Variants in GALNTL6 observed in about 807,000 individuals in gnomAD.
GALNTL6 encodes polypeptide N-acetylgalactosaminyltransferase like 6.
GALNTL6 carries 46 observed loss-of-function variants against 73.7 expected under a neutral mutation model. That is an observed-to-expected ratio of 0.62 (90% CI 0.49 to 0.80). The LOEUF (loss-of-function observed/expected upper bound fraction) is 0.80, where lower values mean the gene tolerates loss of function less well. Among genes scored for constraint, GALNTL6 ranks in the 30% least tolerant of loss-of-function variants. GALNTL6 has a pLI of 0.00. For missense variants in GALNTL6, 604 were observed against 755.0 expected (o/e 0.80, Z 2.34); for synonymous variants, 259 against 263.7 (o/e 0.98, Z 0.17).
At chr4:172,884,143 G>A (rs116294822) in intron 8 of GALNTL6, among the ~76,000 whole-genome samples, 5 of 152,106 alleles carry the variant, frequency 3.3e-5, no homozygotes, top group South Asian at 2.1e-4. Context: ...CCCAACATTA[G>A]GATTACTAGA....
intron 8 of GALNTL6, among the ~76,000 whole-genome samples, chr4:172,915,469 C>A (rs558656520): frequency 6.6e-6 from 1 of 151,618 alleles, no homozygotes; most frequent in African/African-American, 2.4e-5. Flanking sequence ...GCTGGTTTTT[C>A]GAAAAGATCA....
At chr4:171,846,404 A>T (rs1735369450) in intron 2 of GALNTL6, among the ~76,000 whole-genome samples, 1 of 152,136 alleles carries the variant, frequency 6.6e-6, no homozygotes. Context: ...CCATGGCCTT[A>T]CCTACAACCA....
intron 3 of GALNTL6, among the ~76,000 whole-genome samples, chr4:172,265,178 G>A (rs1738409202): frequency 6.6e-6 from 1 of 151,988 alleles, no homozygotes; most frequent in African/African-American, 2.4e-5. Flanking sequence ...GGTAATCTAA[G>A]CTGGATTTCA....
At chr4:171,949,844 T>C (rs1047313782) in intron 2 of GALNTL6, among the ~76,000 whole-genome samples, 1 of 152,130 alleles carries the variant, frequency 6.6e-6, no homozygotes, top group African/African-American at 2.4e-5. Context: ...GTAGAATGCG[T>C]AAAAGAGAGG....
chr4:172,840,090 C>CA (rs552547040), intron 7 of GALNTL6, among the ~76,000 whole-genome samples: 3 of 151,988 alleles, frequency 2.0e-5, no homozygotes, highest in South Asian at 4.1e-4. Context: ...GTCAGCTGCA[C>CA]AAAAAAAGGA....
At chr4:172,358,042 T>A (rs1437546330) in intron 5 of GALNTL6, among the ~76,000 whole-genome samples, 2 of 152,176 alleles carry the variant, frequency 1.3e-5, no homozygotes, top group African/African-American at 2.4e-5. Context: ...AAAAAAAGAT[T>A]TTCCTTTTAT....
chr4:172,155,290 G>A (rs1734221141), intron 2 of GALNTL6, among the ~76,000 whole-genome samples: 1 of 152,120 alleles, frequency 6.6e-6, no homozygotes. Flanking sequence ...GAGCCACCGC[G>A]CCCGGCCATC....
chr4:172,711,438 T>G (rs528105236), intron 5 of GALNTL6, among the ~76,000 whole-genome samples: 9 of 152,232 alleles, frequency 5.9e-5, no homozygotes, highest in Admixed American at 3.3e-4. Context: ...GAAAAGAAGA[T>G]TCTGAGCTCA....
chr4:171,821,567 G>A (rs2110804398), intron 2 of GALNTL6, among the ~76,000 whole-genome samples: 1 of 151,648 alleles, frequency 6.6e-6, no homozygotes, highest in East Asian at 1.9e-4. Flanking sequence ...TGCAGGTGAT[G>A]ATACCTTTTT....
intron 5 of GALNTL6, among the ~76,000 whole-genome samples, chr4:172,658,295 T>G (rs1731182284): frequency 6.9e-6 from 1 of 145,948 alleles, no homozygotes; most frequent in Non-Finnish European, 1.5e-5. Context: ...TGAAACCCAG[T>G]CTCTACTAAA....
At chr4:171,855,383 T>C (rs955888694) in intron 2 of GALNTL6, among the ~76,000 whole-genome samples, 9 of 152,214 alleles carry the variant, frequency 5.9e-5, no homozygotes, top group African/African-American at 1.7e-4. Context: ...GAATGCAGCC[T>C]TTTCAGATTG....
intron 5 of GALNTL6, among the ~76,000 whole-genome samples, chr4:172,354,092 AC>A (rs1469956691): frequency 1.3e-5 from 2 of 152,114 alleles, no homozygotes; most frequent in Non-Finnish European, 1.5e-5. Flanking sequence ...CAATACTAAC[AC>A]TAAAGTGCAT....
chr4:172,794,196 A>C (rs2110939324), intron 5 of GALNTL6, among the ~76,000 whole-genome samples: 1 of 152,262 alleles, frequency 6.6e-6, no homozygotes, highest in Middle Eastern at 3.4e-3. Context: ...TTTGCTTTCC[A>C]TTTTGCAAAT....
chr4:172,097,000 CT>C (rs1485705520), intron 2 of GALNTL6, among the ~76,000 whole-genome samples: 2 of 152,172 alleles, frequency 1.3e-5, no homozygotes, highest in Admixed American at 1.3e-4. Flanking sequence ...GATCGTCATA[CT>C]TTTTTAGAAA....
At chr4:172,906,136 G>T (rs961242830) in intron 8 of GALNTL6, among the ~76,000 whole-genome samples, 4 of 152,042 alleles carry the variant, frequency 2.6e-5, no homozygotes, top group African/African-American at 7.2e-5. Flanking sequence ...AGGAGAAGCA[G>T]ATTTTATTTT....
chr4:172,505,580 T>C lies in GALNTL6; in HGVS notation c.553+156891T>C, dbSNP rs1401659978. ...GCTTAAATATATTTTCCTCTGGTAA[T>C]GAGCAGAGGAAAGGATATTTTCCTC... On this transcript the variant is annotated intron_variant, in intron 5 of 12. Transcript: ENST00000506823. Among the ~76,000 whole-genome samples the C allele has an allele frequency of 2.4e-4, 13 of 54,698 alleles. 6 individuals are homozygous for C. Among genetic ancestry groups the C allele is most frequent in the Admixed American group, 5.2e-4 (2 of 3,860 alleles). 35.9% of individuals were successfully genotyped at this position (54,698 alleles called of 152,430 possible).
At chr4:172,131,406 A>AATATATATATATATATATAT (rs772791571) in intron 2 of GALNTL6, among the ~76,000 whole-genome samples, 188 of 137,278 alleles carry the variant, frequency 1.4e-3, no homozygotes, top group African/African-American at 4.7e-3. Flanking sequence ...ATGCCTTTAA[A>AATATATATATATATATATAT]ATATATATAT....
chr4:172,959,395 T>A (rs531373848), intron 10 of GALNTL6, among the ~76,000 whole-genome samples: 3 of 151,876 alleles, frequency 2.0e-5, no homozygotes, highest in African/African-American at 4.8e-5. Context: ...TAAAAGAGCA[T>A]TGTCTAAGTT....
intron 8 of GALNTL6, among the ~76,000 whole-genome samples, chr4:172,930,943 G>T (rs1314476521): frequency 6.6e-6 from 1 of 152,166 alleles, no homozygotes; most frequent in Non-Finnish European, 1.5e-5. Flanking sequence ...GGGATTATAA[G>T]CATGAACCAC....
Sources: gnomAD v4.1 joint callset for allele counts (sites outside exome capture counted in the v4.1 genomes callset) on GRCh38, gnomAD v4.1.1 for gene constraint, MANE v1.5 for transcripts, NCBI Gene and HGNC (gene_info 2026-07-23, HGNC 2026-07-21) for gene names.